Variants in METTL15 observed in about 807,000 individuals in gnomAD.
METTL15 encodes the protein methyltransferase 15, mitochondrial 12S rRNA N4-cytidine.
In METTL15, 34 loss-of-function variants were observed where a neutral mutation model predicts 38.3. That is an observed-to-expected ratio of 0.89 (90% CI 0.68 to 1.18). The LOEUF (loss-of-function observed/expected upper bound fraction) is 1.18, where lower values mean the gene tolerates loss of function less well. Among genes scored for constraint, METTL15 ranks in the 50% most tolerant of loss-of-function variants. METTL15 has a pLI of 0.00. For missense variants in METTL15, 438 were observed against 498.4 expected (o/e 0.88, Z 1.15); for synonymous variants, 162 against 170.9 (o/e 0.95, Z 0.41).
At chr11:28,258,291 T>C (rs891141594) in intron 4 of METTL15, among the ~76,000 whole-genome samples, 1 of 152,198 alleles carries the variant, frequency 6.6e-6, no homozygotes, top group African/African-American at 2.4e-5. Context: ...TAAGCATCAC[T>C]GTTGCCACCA....
chr11:28,262,973 G>A (rs1045603740), intron 4 of METTL15, among the ~76,000 whole-genome samples: 2 of 152,050 alleles, frequency 1.3e-5, no homozygotes, highest in African/African-American at 2.4e-5. Flanking sequence ...ATGTTTATGA[G>A]TAGAGTACTT....
At chr11:28,437,796 A>C (rs569471809) in intron 6 of METTL15, among the ~76,000 whole-genome samples, 3 of 152,362 alleles carry the variant, frequency 2.0e-5, no homozygotes, top group African/African-American at 7.2e-5. Flanking sequence ...TGGTTTACAC[A>C]TCATTTGTCT....
chr11:28,379,858 G>A (rs949181532), intron 5 of METTL15, among the ~76,000 whole-genome samples: 6 of 152,084 alleles, frequency 3.9e-5, no homozygotes, highest in Admixed American at 6.6e-5. Context: ...TCCTTTAGAT[G>A]TATTAATGTT....
At chr11:28,407,741 A>G (rs1226588226) in intron 5 of METTL15, among the ~76,000 whole-genome samples, 1 of 152,208 alleles carries the variant, frequency 6.6e-6, no homozygotes, top group East Asian at 1.9e-4. Context: ...TGTGGAACAC[A>G]GTGTGTTGAT....
At chr11:28,528,279 A>T (rs1300465610), downstream of METTL15, among the ~76,000 whole-genome samples, 1 of 152,162 alleles carries the variant, frequency 6.6e-6, no homozygotes, top group East Asian at 1.9e-4. Context: ...TGCATACTTC[A>T]AAAAGGGACT....
intron 5 of METTL15, among the ~76,000 whole-genome samples, chr11:28,418,052 T>C (rs1850788502): frequency 5.3e-5 from 8 of 152,118 alleles, no homozygotes; most frequent in Admixed American, 5.2e-4. Flanking sequence ...GGGGATCCGG[T>C]TTGGAGTTCT....
Position 28,504,524 on chromosome 11 carries a change from T to A in METTL15, c.*425-21954T>A, listed in dbSNP as rs187776306. Among the ~76,000 whole-genome samples, 705 of 152,272 alleles carry A rather than the reference T, an allele frequency of 4.6e-3. 6 individuals carry two copies. The highest frequency in any genetic ancestry group is 0.014 in the African/African-American group (580 of 41,556). ...ATGTTAAAGAAAATCCAAGATTTTTTAAAAAAATATATGGGCTAAATAAAA... is the reference window on the plus strand; with the variant it reads ...ATGTTAAAGAAAATCCAAGATTTTTAAAAAAAATATATGGGCTAAATAAAA... On this transcript the variant is annotated intron_variant and NMD_transcript_variant, in intron 6 of 7. Transcript: ENST00000532947.
intron 4 of METTL15, among the ~76,000 whole-genome samples, chr11:28,237,519 GT>G (rs1464333320): frequency 6.6e-6 from 1 of 151,974 alleles, no homozygotes; most frequent in Non-Finnish European, 1.5e-5. Context: ...TTTTTTCAAC[GT>G]TTTCAGCTCC....
chr11:28,434,301 A>G (rs1850962643), intron 6 of METTL15, among the ~76,000 whole-genome samples: 1 of 152,222 alleles, frequency 6.6e-6, no homozygotes, highest in Non-Finnish European at 1.5e-5. Context: ...CTGCCCAGCC[A>G]TGCTGAACTG....
At chr11:28,466,745 G>C (rs530360506) in intron 6 of METTL15, among the ~76,000 whole-genome samples, 7 of 152,102 alleles carry the variant, frequency 4.6e-5, no homozygotes, top group Non-Finnish European at 8.8e-5. Context: ...CTGCTCTGCC[G>C]CAGGCTAGTT....
chr11:28,167,228 T>TTG (rs1420584061), intron 3 of METTL15, among the ~76,000 whole-genome samples: 1 of 152,156 alleles, frequency 6.6e-6, no homozygotes, highest in Non-Finnish European at 1.5e-5. Flanking sequence ...GTTGGAAGTC[T>TTG]TGTCTGTAAC....
At chr11:28,380,727 ATATCT>A (rs1850373816) in intron 5 of METTL15, among the ~76,000 whole-genome samples, 2 of 152,212 alleles carry the variant, frequency 1.3e-5, no homozygotes. Flanking sequence ...AGATGACAAC[ATATCT>A]TAGATTAAAA....
chr11:28,431,808 G>GAAAA (rs1186274147), intron 6 of METTL15, among the ~76,000 whole-genome samples: 1 of 87,076 alleles, frequency 1.1e-5, no homozygotes. Context: ...AAAAAAAAAA[G>GAAAA]AAAAAAAAAA....
intron 6 of METTL15, among the ~76,000 whole-genome samples, chr11:28,510,127 G>C (rs990010594): frequency 5.3e-5 from 8 of 152,116 alleles, no homozygotes; most frequent in Admixed American, 4.6e-4. Flanking sequence ...TCTATTGACT[G>C]TGTAGAGATG....
rs149944785 is a variant in METTL15, at chr11:28,487,132, G to A, written c.*425-39346G>A. 2.1e-3 allele frequency among the ~76,000 whole-genome samples: 314 copies of A among 152,068 alleles called. 4 individuals carry two copies. Among genetic ancestry groups the A allele is most frequent in the African/African-American group, 7.4e-3 (305 of 41,482 alleles). ...ATTTATTTGCACAGCCTTTCTGGGGGGCAATTTGGCATCATGTTTCAAAAA... is the reference window on the plus strand; with the variant it reads ...ATTTATTTGCACAGCCTTTCTGGGGAGCAATTTGGCATCATGTTTCAAAAA... On this transcript the variant is annotated intron_variant and NMD_transcript_variant, in intron 6 of 7. Transcript: ENST00000532947.
chr11:28,408,841 G>T (rs1424109258), intron 5 of METTL15, among the ~76,000 whole-genome samples: 2 of 152,034 alleles, frequency 1.3e-5, no homozygotes, highest in East Asian at 3.9e-4. Context: ...GTATCTCTGA[G>T]CAAACTAAGT....
chr11:28,318,021 G>C (rs150927416), intron 6 of METTL15, among the ~76,000 whole-genome samples: 1 of 152,144 alleles, frequency 6.6e-6, no homozygotes. Flanking sequence ...CCCAATTTGC[G>C]TTTACCAGAA....
intron 5 of METTL15, among the ~76,000 whole-genome samples, chr11:28,374,895 A>G (rs1050312671): frequency 6.6e-6 from 1 of 151,518 alleles, no homozygotes; most frequent in Non-Finnish European, 1.5e-5. Flanking sequence ...AATTTTGTCA[A>G]AGGCCTTTTC....
intron 6 of METTL15, among the ~76,000 whole-genome samples, chr11:28,323,849 A>C (rs1185402705): frequency 6.6e-6 from 1 of 152,190 alleles, no homozygotes; most frequent in Non-Finnish European, 1.5e-5. Context: ...CTGATCTGGA[A>C]TGTGAGAATG....
Sources: gnomAD v4.1 joint callset for allele counts (sites outside exome capture counted in the v4.1 genomes callset) on GRCh38, gnomAD v4.1.1 for gene constraint, MANE v1.5 for transcripts, NCBI Gene and HGNC (gene_info 2026-07-23, HGNC 2026-07-21) for gene names.